Variants in EYS observed in about 807,000 individuals in gnomAD.
EYS encodes the protein EGF-like photoreceptor maintenance factor, also known as protein eyes shut homolog.
In EYS, 250 loss-of-function variants were observed where a neutral mutation model predicts 282.1. The ratio of observed to expected loss-of-function variants is 0.89; its 90% CI spans 0.80 to 0.98. The LOEUF (loss-of-function observed/expected upper bound fraction) is 0.98, where lower values mean the gene tolerates loss of function less well. Among genes scored for constraint, EYS ranks in the 50% least tolerant of loss-of-function variants. EYS has a pLI of 0.00. For missense variants in EYS, 4,016 were observed against 3,709.0 expected (o/e 1.08, Z -2.15); for synonymous variants, 1,355 against 1,282.9 (o/e 1.06, Z -1.20).
intron 1 of EYS, among the ~76,000 whole-genome samples, chr6:65,674,943 G>C (rs1487307713): frequency 1.9e-5 from 1 of 53,230 alleles, no homozygotes; most frequent in African/African-American, 6.1e-5. Context: ...ATATAAGAAA[G>C]TATAATTGTG....
intron 5 of EYS, among the ~76,000 whole-genome samples, chr6:65,483,437 AG>A (rs1474425713): frequency 1.3e-5 from 2 of 152,166 alleles, no homozygotes; most frequent in Non-Finnish European, 2.9e-5. Context: ...AAGAGCAATG[AG>A]AACTTGACAT....
At chr6:64,393,953 TG>T in intron 28 of EYS, among the ~76,000 whole-genome samples, 1 of 152,108 alleles carries the variant, frequency 6.6e-6, no homozygotes, top group South Asian at 2.1e-4. Flanking sequence ...ACAAAATCAA[TG>T]TACAAAAATC....
intron 33 of EYS, among the ~76,000 whole-genome samples, chr6:64,028,544 A>C: frequency 6.6e-6 from 1 of 152,198 alleles, no homozygotes; most frequent in Middle Eastern, 3.2e-3. Context: ...AATGGTTCAT[A>C]GTTCTGGACC....
At chr6:63,824,384 A>C (rs1771401058) in intron 36 of EYS, among the ~76,000 whole-genome samples, 1 of 152,246 alleles carries the variant, frequency 6.6e-6, no homozygotes. Context: ...TTAATGAGAA[A>C]AAGGAAGATC....
At chr6:63,838,357 T>A (rs1182146878) in intron 36 of EYS, among the ~76,000 whole-genome samples, 1 of 152,126 alleles carries the variant, frequency 6.6e-6, no homozygotes, top group African/African-American at 2.4e-5. Context: ...GGAGCTGGAT[T>A]TTGTTAAACG....
intron 35 of EYS, among the ~76,000 whole-genome samples, chr6:63,930,657 C>T (rs1422280220): frequency 6.6e-6 from 1 of 152,090 alleles, no homozygotes; most frequent in East Asian, 1.9e-4. Flanking sequence ...TCCCACAACA[C>T]AAAGGTATGT....
chr6:64,725,628 G>C (rs555220660), intron 22 of EYS, among the ~76,000 whole-genome samples: 2 of 152,042 alleles, frequency 1.3e-5, no homozygotes, highest in Non-Finnish European at 2.9e-5. Flanking sequence ...TGACTTCAAA[G>C]TGTCCTCTGA....
chr6:64,307,197 T>G, intron 29 of EYS, 115 bp from the exon 30 acceptor site: 1 of 580,184 alleles, frequency 1.7e-6, no homozygotes, highest in Non-Finnish European at 3.0e-6. Context: ...CTGATTTGAT[T>G]TATTCTACTT....
intron 34 of EYS, among the ~76,000 whole-genome samples, chr6:63,985,333 C>A (rs1767305977): frequency 6.6e-6 from 1 of 151,618 alleles, no homozygotes. Context: ...CATTATCTTT[C>A]TCAAGTCATC....
chr6:64,691,972 T>G (rs567679865), intron 22 of EYS, among the ~76,000 whole-genome samples: 1 of 152,322 alleles, frequency 6.6e-6, no homozygotes, highest in East Asian at 1.9e-4. Flanking sequence ...CGAGTCCATG[T>G]GTCTTTTTGG....
chr6:64,306,216 C>T (rs1013597644), intron 30 of EYS, among the ~76,000 whole-genome samples: 2 of 152,096 alleles, frequency 1.3e-5, no homozygotes, highest in African/African-American at 2.4e-5. Context: ...TCCAAAAATC[C>T]AGATGGCTAG....
At chr6:65,361,199 C>T (rs1410786746) in intron 8 of EYS, among the ~76,000 whole-genome samples, 5 of 151,532 alleles carry the variant, frequency 3.3e-5, no homozygotes, top group Admixed American at 1.3e-4. Flanking sequence ...CATCACACAC[C>T]GGGGCCTGTT....
At position 63,812,020 on chromosome 6, in the gene EYS, A is replaced by G. The variant is rs140919099; in HGVS notation, c.7229-5648T>C. Among the ~76,000 whole-genome samples the G allele has an allele frequency of 8.5e-3, 1,294 of 152,274 alleles. 21 individuals are homozygous for G. Among genetic ancestry groups the G allele is most frequent in the African/African-American group, 0.029 (1,218 of 41,530 alleles). On this transcript the variant is annotated intron_variant, in intron 36 of 42. Coordinates refer to ENST00000503581, the MANE Select transcript of EYS (RefSeq NM_001142800.2). ...CTTCTTAGCTGGTCTCCGTGTTGCT[A>G]CCTTTATCACTTTACAATCTCTTTT...
intron 8 of EYS, among the ~76,000 whole-genome samples, chr6:65,356,520 T>C (rs1764492397): frequency 6.6e-6 from 1 of 152,038 alleles, no homozygotes; most frequent in African/African-American, 2.4e-5. Context: ...CCTACTACTT[T>C]AACCTGAAGA....
intron 14 of EYS, among the ~76,000 whole-genome samples, chr6:64,987,346 A>G (rs971116184): frequency 4.6e-5 from 7 of 151,586 alleles, no homozygotes; most frequent in African/African-American, 1.2e-4. Flanking sequence ...CTTATGCACT[A>G]TGGCTCTGCA....
intron 12 of EYS, among the ~76,000 whole-genome samples, chr6:65,285,384 A>T (rs540407861): frequency 6.6e-6 from 1 of 152,110 alleles, no homozygotes; most frequent in African/African-American, 2.4e-5. Context: ...ATAACAAAAG[A>T]TAGAGAAATC....
chr6:64,417,306 T>A (rs182226623), intron 28 of EYS, among the ~76,000 whole-genome samples: 2 of 152,316 alleles, frequency 1.3e-5, no homozygotes, highest in East Asian at 3.9e-4. Context: ...ATTTAACAAA[T>A]GAGAGATTTA....
intron 14 of EYS, among the ~76,000 whole-genome samples, chr6:64,954,269 G>A (rs143121099): frequency 7.4e-5 from 11 of 149,494 alleles, no homozygotes; most frequent in Non-Finnish European, 1.0e-4. Flanking sequence ...CTTTAATGTC[G>A]GTTTAAAAAA....
At chr6:65,068,996 T>A (rs1256958126) in intron 12 of EYS, among the ~76,000 whole-genome samples, 3 of 151,964 alleles carry the variant, frequency 2.0e-5, no homozygotes, top group Non-Finnish European at 4.4e-5. Context: ...ACAGAGACAA[T>A]AGAAGGCAGA....
Sources: gnomAD v4.1 joint callset for allele counts (sites outside exome capture counted in the v4.1 genomes callset) on GRCh38, gnomAD v4.1.1 for gene constraint, MANE v1.5 for transcripts, NCBI Gene and HGNC (gene_info 2026-07-23, HGNC 2026-07-21) for gene names.